RASA3: variants seen among roughly 807,000 people sequenced by gnomAD.
RASA3 encodes RAS p21 protein activator 3, also known as ras GTPase-activating protein 3.
A neutral mutation model predicts 110.0 loss-of-function variants in RASA3; 73 were observed. That is an observed-to-expected ratio of 0.66 (90% CI 0.55 to 0.81). The LOEUF is 0.81. RASA3 is among the 30% of genes least tolerant of loss of function. The pLI is 0.00. For synonymous variants in RASA3, 500 were observed against 451.4 expected (o/e 1.11, Z -1.37); for missense variants, 976 against 1,113.2 (o/e 0.88, Z 1.75).
In RASA3 at chr13:114,018,257, G is replaced by A. The variant is rs757718462; in HGVS notation, c.943-5C>T. ...GGCCGCAGACGCTGACACGGGCTGCGGGGAGGGGTGAGGTCAGTGCCAGGG... is the reference window on the plus strand; with the variant it reads ...GGCCGCAGACGCTGACACGGGCTGCAGGGAGGGGTGAGGTCAGTGCCAGGG... On this transcript the variant is annotated splice_region_variant and splice_polypyrimidine_tract_variant and intron_variant, in intron 10 of 23. Transcript: ENST00000334062. 29 of 1,549,804 alleles carry A rather than the reference G, an allele frequency of 1.9e-5. No homozygotes were observed. In the Admixed American group the frequency reaches 3.1e-4, roughly 17 times the overall value.
intron 18 of RASA3, among the ~76,000 whole-genome samples, chr13:114,003,393 C>T (rs1183742354): frequency 6.6e-6 from 1 of 152,218 alleles, no homozygotes; most frequent in Non-Finnish European, 1.5e-5. Context: ...GTCAGACACA[C>T]AAGCCCTGAG....
intron 1 of RASA3, among the ~76,000 whole-genome samples, chr13:114,102,514 C>T (rs562197936): frequency 4.1e-4 from 63 of 152,278 alleles, no homozygotes; most frequent in African/African-American, 1.3e-3. Context: ...GCAGGAGGTG[C>T]GAGGGGCCCT....
chr13:114,102,990 C>T (rs974541580), intron 1 of RASA3, among the ~76,000 whole-genome samples: 17 of 152,208 alleles, frequency 1.1e-4, no homozygotes, highest in African/African-American at 3.9e-4. Flanking sequence ...CCCTGCTGCT[C>T]GCTCACCCCT....
intron 3 of RASA3, among the ~76,000 whole-genome samples, chr13:114,042,021 C>A (rs554395894): frequency 6.6e-6 from 1 of 152,246 alleles, no homozygotes; most frequent in Non-Finnish European, 1.5e-5. Flanking sequence ...TACTTTGGGG[C>A]TACGCTTCCA....
intron 2 of RASA3, among the ~76,000 whole-genome samples, chr13:114,054,961 TG>T (rs2079214143): frequency 7.2e-6 from 1 of 138,222 alleles, no homozygotes; most frequent in Non-Finnish European, 1.6e-5. Flanking sequence ...TGTGTGGGTG[TG>T]TGCACGTGTG....
intron 1 of RASA3, among the ~76,000 whole-genome samples, chr13:114,125,750 G>A (rs989075779): frequency 1.3e-5 from 2 of 152,136 alleles, no homozygotes; most frequent in Non-Finnish European, 2.9e-5. Flanking sequence ...CTGGTTGCAC[G>A]GCAAGCCCCT....
At chr13:114,010,136 GGCCT>G (rs2053600468) in intron 16 of RASA3, among the ~76,000 whole-genome samples, 1 of 152,156 alleles carries the variant, frequency 6.6e-6, no homozygotes, top group South Asian at 2.1e-4. Flanking sequence ...GGTGCACCTC[GGCCT>G]GCCTGCGAGT....
chr13:114,116,387 G>A (rs1022957154), intron 1 of RASA3, among the ~76,000 whole-genome samples: 1 of 151,888 alleles, frequency 6.6e-6, no homozygotes, highest in African/African-American at 2.4e-5. Context: ...TAAACATGCC[G>A]CATTCTGAGG....
At chr13:114,054,483 C>T (rs1484325249) in intron 2 of RASA3, among the ~76,000 whole-genome samples, 2 of 152,156 alleles carry the variant, frequency 1.3e-5, no homozygotes, top group Admixed American at 6.5e-5. Flanking sequence ...GGCCCAGAGT[C>T]CAGGTGGGAG....
intron 1 of RASA3, among the ~76,000 whole-genome samples, chr13:114,126,391 C>T (rs113049896): frequency 0.032 from 4,847 of 152,332 alleles, 143 homozygotes; most frequent in Non-Finnish European, 0.046. Flanking sequence ...ATAACACCAG[C>T]CCAACCCAAA....
chr13:114,007,712 A>G (rs61971856), intron 17 of RASA3, 106 bp from the exon 18 acceptor site: 141,988 of 907,084 alleles, frequency 0.16, 13,282 homozygotes, highest in Middle Eastern at 0.21. Context: ...TTGTAATACC[A>G]GTGGAGACAG....
intron 1 of RASA3, among the ~76,000 whole-genome samples, chr13:114,088,372 C>T (rs1030242908): frequency 3.9e-5 from 6 of 152,218 alleles, no homozygotes; most frequent in South Asian, 2.1e-4. Context: ...CAGTCTTCCC[C>T]GCCCTGGAGC....
intron 9 of RASA3, among the ~76,000 whole-genome samples, chr13:114,020,882 CCTG>C (rs2053912271): frequency 6.6e-6 from 1 of 152,214 alleles, no homozygotes; most frequent in Non-Finnish European, 1.5e-5. Context: ...GCGGCGCAGC[CCTG>C]CTGTGTGCGC....
In RASA3 at chr13:114,016,784, T is replaced by C. The variant is rs541290947; in HGVS notation, c.1206+453A>G. Among the ~76,000 whole-genome samples, 15 of 152,316 alleles carry C rather than the reference T, an allele frequency of 9.8e-5. No individual in the cohort carries two copies. The South Asian group carries it at 3.1e-3, about 32-fold the overall frequency. On this transcript the variant is annotated intron_variant, in intron 12 of 23. Coordinates refer to ENST00000334062, the MANE Select transcript of RASA3 (RefSeq NM_007368.4). ...AATTTTCTCACATTTGCAAAGAACC[T>C]GTTTACAAACCCGCTCATAAACGGG...
intron 4 of RASA3, among the ~76,000 whole-genome samples, chr13:114,036,841 G>C (rs1305356753): frequency 1.3e-5 from 2 of 152,292 alleles, no homozygotes; most frequent in African/African-American, 2.4e-5. Flanking sequence ...CCAGCCTGGA[G>C]TTGAGGTTTT....
rs1485203830 is a variant in RASA3, at chr13:114,056,096, C to T, written c.174-3941G>A. Among the ~76,000 whole-genome samples, 1 of 152,166 alleles carries T rather than the reference C, an allele frequency of 6.6e-6. No individual in the cohort carries two copies. The highest frequency in any genetic ancestry group is 2.4e-5 in the African/African-American group (1 of 41,438). On this transcript the variant is annotated intron_variant, in intron 2 of 23. Transcript: ENST00000334062. The surrounding 1 kb of genome is among the most constrained non-coding windows in gnomAD (Gnocchi z 5.7). ...TCACCGTTTCCCGAGAGCCCCCCGC[C>T]CCCGCACAGGCACTGAGGACCCCAC...
rs541579060 is a variant in RASA3, at chr13:114,096,738, G to A, written c.56-22901C>T. Among the ~76,000 whole-genome samples the A allele has an allele frequency of 6.6e-6, 1 of 151,912 alleles. No homozygotes were observed. Among genetic ancestry groups the A allele is most frequent in the Admixed American group, 6.6e-5 (1 of 15,248 alleles). ...CACCCTTCCCTCCTCGTCCCCCAAAGCACTCAACAGCTCTCCAGCACCCAC... is the reference window on the plus strand; with the variant it reads ...CACCCTTCCCTCCTCGTCCCCCAAAACACTCAACAGCTCTCCAGCACCCAC... On this transcript the variant is annotated intron_variant, in intron 1 of 23. Transcript: ENST00000334062. The surrounding 1 kb of genome is among the most constrained non-coding windows in gnomAD (Gnocchi z 5.1).
Position 114,027,921 on chromosome 13 carries a change from G to C in RASA3, c.456C>G (p.Val152=). 1 of 1,613,336 alleles carries C rather than the reference G, an allele frequency of 6.2e-7. No homozygotes were observed. The highest frequency in any genetic ancestry group is 1.1e-5 in the South Asian group (1 of 91,070). ...TCACGATGGGGAGGCCCTGGCACTCGACGATGCTGAGGAGAGAAGCAGAGG... is the reference window on the plus strand; with the variant it reads ...TCACGATGGGGAGGCCCTGGCACTCCACGATGCTGAGGAGAGAAGCAGAGG... ...VVCHKLATRI[V]ECQGLPIVNG... Residue 152 remains valine, a synonymous_variant, in exon 6 of 24, where the codon GTC becomes GTG. Transcript: ENST00000334062.
chr13:113,999,579 A>G lies in RASA3; in HGVS notation c.1932+6T>C. The G allele has an allele frequency of 6.2e-7, 1 of 1,612,394 alleles. No homozygotes were observed. The highest frequency in any genetic ancestry group is 8.5e-7 in the Non-Finnish European group (1 of 1,179,364). ...CGAAAGAGAGGCTTGGGGGCCCCAC[A>G]CTCACGTTTTTCATTTTGAAAGACT... On this transcript the variant is annotated splice_donor_region_variant and intron_variant, in intron 20 of 23. Transcript: ENST00000334062.
Sources: allele counts gnomAD v4.1 joint callset (sites outside exome capture counted in the v4.1 genomes callset), GRCh38; gene constraint gnomAD v4.1.1; non-coding constraint Gnocchi (gnomAD v3.1); transcripts MANE v1.5; gene names NCBI Gene and HGNC (gene_info 2026-07-23, HGNC 2026-07-21).